ALOX5AP: variants seen among roughly 807,000 people sequenced by gnomAD.
ALOX5AP encodes arachidonate 5-lipoxygenase-activating protein.
In ALOX5AP, 9 loss-of-function variants were observed where a neutral mutation model predicts 18.5. The observed-to-expected ratio is 0.49, with a 90% CI of 0.29 to 0.85. ALOX5AP has a LOEUF of 0.85. ALOX5AP is among the 40% of genes least tolerant of loss of function. The pLI, the probability that ALOX5AP is intolerant of heterozygous loss-of-function variation, is 0.08. For missense variants in ALOX5AP, 172 were observed against 202.5 expected, an observed-to-expected ratio of 0.85 and a Z score of 0.91; for synonymous variants, 81 against 78.6, an observed-to-expected ratio of 1.03 and a Z score of -0.16.
intron 1 of ALOX5AP, among the ~76,000 whole-genome samples, chr13:30,715,590 G>A (rs1287916679): frequency 6.6e-6 from 1 of 152,196 alleles, no homozygotes; most frequent in East Asian, 1.9e-4. Context: ...CACTTATGGG[G>A]TGGGAAGTCA....
At chr13:30,744,474 CAGGG>C in intron 2 of ALOX5AP, 1 of 245,794 alleles carries the variant, frequency 4.1e-6, no homozygotes, top group Non-Finnish European at 8.3e-6. Flanking sequence ...GGGGTTAGAC[CAGGG>C]TTGCTACTGT....
upstream of ALOX5AP, among the ~76,000 whole-genome samples, chr13:30,735,034 C>T (rs531074974): frequency 2.0e-5 from 3 of 151,886 alleles, no homozygotes; most frequent in South Asian, 6.2e-4. Context: ...GTGTGTGAGA[C>T]AGTCTTGCTC....
chr13:30,756,012 G>A lies in ALOX5AP; in HGVS notation c.310G>A (p.Glu104Lys). The A allele has an allele frequency of 6.2e-7, 1 of 1,614,160 alleles. No individual in the cohort carries two copies. The highest frequency in any genetic ancestry group is 8.5e-7 in the Non-Finnish European group (1 of 1,179,974). Residue 104 changes from glutamate to lysine, a missense_variant, in exon 4 of 5, where the codon GAG (glutamate) becomes AAG (lysine). Glu to Lys is a moderately conservative substitution (Grantham distance 56). Transcript: ENST00000380490. ...AAAGTACTTTGTCGGTTACCTAGGA[G>A]AGAGAACGCAGAGGTAGGTAACTGG... ...RQKYFVGYLG[E>K]RTQSTPGYIF...
At chr13:30,755,450 TA>T (rs1951885422) in intron 3 of ALOX5AP, among the ~76,000 whole-genome samples, 1 of 152,056 alleles carries the variant, frequency 6.6e-6, no homozygotes, top group Admixed American at 6.6e-5. Flanking sequence ...CATCTGGAAA[TA>T]GAAATGTGGG....
At chr13:30,731,317 C>T (rs78797034), upstream of ALOX5AP, among the ~76,000 whole-genome samples, 3,712 of 152,040 alleles carry the variant, frequency 0.024, 81 homozygotes, top group Middle Eastern at 0.065. Context: ...AAAGCCAGAC[C>T]GGCCTGGGCT....
intron 1 of ALOX5AP, among the ~76,000 whole-genome samples, chr13:30,738,955 A>G (rs1415704288): frequency 1.3e-5 from 2 of 152,138 alleles, no homozygotes; most frequent in African/African-American, 2.4e-5. Context: ...CACACTCACA[A>G]GAAACCTCAC....
chr13:30,736,770 C>A (rs974769192), intron 1 of ALOX5AP, among the ~76,000 whole-genome samples: 1 of 152,144 alleles, frequency 6.6e-6, no homozygotes, highest in South Asian at 2.1e-4. Flanking sequence ...GCTTTCTGAC[C>A]CAAACATTTT....
At chr13:30,720,283 A>T (rs1951583665) in intron 1 of ALOX5AP, among the ~76,000 whole-genome samples, 1 of 152,220 alleles carries the variant, frequency 6.6e-6, no homozygotes. Flanking sequence ...GCTACCTAGA[A>T]AGATCTTTAA....
chr13:30,714,572 T>TGGAGGTGGGAGGTG (rs59000904), intron 1 of ALOX5AP, among the ~76,000 whole-genome samples: 2,835 of 46,978 alleles, frequency 0.06, 102 homozygotes, highest in African/African-American at 0.1. Context: ...GAGAGCTTGG[T>TGGAGGTGGGAGGTG]GGAGGTGGGA....
chr13:30,755,840 T>C, intron 3 of ALOX5AP, 104 bp from the exon 4 acceptor site: 2 of 1,093,388 alleles, frequency 1.8e-6, no homozygotes, highest in Non-Finnish European at 1.4e-6. Flanking sequence ...GAAGTGCGTG[T>C]GTCTTCTGCT....
chr13:30,720,500 C>G (rs913142013), intron 1 of ALOX5AP, among the ~76,000 whole-genome samples: 1 of 152,112 alleles, frequency 6.6e-6, no homozygotes, highest in South Asian at 2.1e-4. Flanking sequence ...AACATTGGAA[C>G]CTTATGTTTA....
intron 1 of ALOX5AP, among the ~76,000 whole-genome samples, chr13:30,721,015 T>A (rs1951589242): frequency 6.6e-6 from 1 of 152,166 alleles, no homozygotes; most frequent in Non-Finnish European, 1.5e-5. Flanking sequence ...CTAACCTATA[T>A]CTGGGGACCC....
intron 2 of ALOX5AP, 76 bp downstream of exon 2, chr13:30,744,235 C>A: frequency 1.6e-6 from 2 of 1,277,764 alleles, no homozygotes; most frequent in Non-Finnish European, 1.1e-6. Flanking sequence ...GATGACCACC[C>A]TTAATACCAC....
At chr13:30,735,353 G>A (rs113316389), upstream of ALOX5AP, among the ~76,000 whole-genome samples, 600 of 150,414 alleles carry the variant, frequency 4.0e-3, 7 homozygotes, top group African/African-American at 0.014. Context: ...AGAGTGTGCT[G>A]GCTTTGCGTG....
chr13:30,744,449 T>G (rs1317663194), intron 2 of ALOX5AP: 2 of 289,256 alleles, frequency 6.9e-6, no homozygotes, highest in African/African-American at 4.3e-5. Flanking sequence ...TTAGAGAAGT[T>G]GACCTATTTC....
intron 3 of ALOX5AP, 121 bp downstream of exon 3, chr13:30,752,243 G>A: frequency 2.0e-6 from 2 of 1,010,006 alleles, no homozygotes; most frequent in Non-Finnish European, 3.0e-6. Flanking sequence ...GTGAAGCCCT[G>A]GAGAGGTGAG....
intron 4 of ALOX5AP, among the ~76,000 whole-genome samples, chr13:30,756,745 A>T (rs1009667797): frequency 6.9e-6 from 1 of 144,434 alleles, no homozygotes; most frequent in African/African-American, 2.6e-5. Flanking sequence ...CCCAGGAGGC[A>T]GAGGTTGCAG....
intron 1 of ALOX5AP, among the ~76,000 whole-genome samples, chr13:30,738,983 A>T (rs1951741609): frequency 6.6e-6 from 1 of 152,166 alleles, no homozygotes; most frequent in Non-Finnish European, 1.5e-5. Context: ...GTATTGGAAG[A>T]CTTTGCCATC....
At chr13:30,717,166 C>T (rs1951556865) in intron 1 of ALOX5AP, among the ~76,000 whole-genome samples, 1 of 152,236 alleles carries the variant, frequency 6.6e-6, no homozygotes, top group Admixed American at 6.5e-5. Context: ...CTCTAGCAGG[C>T]AGGACGTTCC....
Sources: allele counts gnomAD v4.1 joint callset (sites outside exome capture counted in the v4.1 genomes callset), GRCh38; gene constraint gnomAD v4.1.1; transcripts MANE v1.5; gene names NCBI Gene and HGNC (gene_info 2026-07-23, HGNC 2026-07-21).